USP35: variants seen among roughly 807,000 people sequenced by gnomAD.
USP35 encodes the protein ubiquitin specific peptidase 35, also known as ubiquitin carboxyl-terminal hydrolase 35.
USP35 carries 69 observed loss-of-function variants against 83.8 expected under a neutral mutation model. The ratio of observed to expected loss-of-function variants is 0.82; its 90% CI spans 0.68 to 1.01. The LOEUF (loss-of-function observed/expected upper bound fraction) is 1.01, where lower values mean the gene tolerates loss of function less well. USP35 is among the 50% of genes least tolerant of loss of function. The pLI, the probability that USP35 is intolerant of heterozygous loss-of-function variation, is 0.00. For synonymous variants in USP35, 714 were observed against 589.5 expected, an observed-to-expected ratio of 1.21 and a Z score of -3.06; for missense variants, 1,503 against 1,362.5, an observed-to-expected ratio of 1.10 and a Z score of -1.62.
rs144906421 is a variant in USP35, at chr11:78,192,700, G to C, written c.-10-3536G>C. Among the ~76,000 whole-genome samples the C allele has an allele frequency of 4.7e-3, 710 of 152,298 alleles. 18 individuals are homozygous for C. The highest frequency in any genetic ancestry group is 0.038 in the Admixed American group (584 of 15,304). ...CTCTATTTGAACTGTCAGCTGCCAG[G>C]CTTATGTGGTGTTAGGTAGAACAAC... On this transcript the variant is annotated intron_variant, in intron 1 of 10. Coordinates refer to ENST00000529308, the MANE Select transcript of USP35 (RefSeq NM_020798.4).
Position 78,196,755 on chromosome 11 carries a change from T to C in USP35, c.510T>C (p.Arg170=). The change falls in exon 2 of 11, where the codon CGT becomes CGC. Residue 170 remains arginine (R), a synonymous_variant. Transcript: ENST00000529308. This position sits in a 1 kb window ranked among gnomAD's most constrained non-coding sequence, Gnocchi z 4.8. ...HRLLFCQQLV[R]CLGRFRCPAE... The stretch of plus-strand genomic sequence containing the variant: ...TGCTCTTCTGCCAGCAGCTGGTGCG[T>C]TGCCTCGGCCGCTTCCGCTGCCCAG... 6.5e-7 allele frequency: 1 copy of C among 1,532,476 alleles called. No individual in the cohort carries two copies. Among genetic ancestry groups the C allele is most frequent in the Non-Finnish European group, 8.7e-7 (1 of 1,145,470 alleles). The allele number at this position is 1,532,476 out of a possible 1,614,324, so 94.9% of individuals were successfully genotyped here.
chr11:78,208,985 G>A (rs368501171), intron 9 of USP35, 22 bp downstream of exon 9: 15 of 1,611,208 alleles, frequency 9.3e-6, no homozygotes, highest in African/African-American at 5.3e-5. Context: ...AGGGCTACGC[G>A]AAGACTCCAG....
chr11:78,237,106 G>A, the USP35 span, among the ~76,000 whole-genome samples: 2 of 152,198 alleles, frequency 1.3e-5, no homozygotes, highest in African/African-American at 4.8e-5. Context: ...CTGAAAGACT[G>A]TGGGTAAGAT....
At chr11:78,213,593 T>A (rs1863897642) in intron 10 of USP35, 53 bp from the exon 11 acceptor site, 25 of 1,433,720 alleles carry the variant, frequency 1.7e-5, no homozygotes, top group Admixed American at 3.0e-5. Context: ...AGACTCACTC[T>A]GGCTTCAGGG....
At chr11:78,234,469 T>C in the USP35 span, among the ~76,000 whole-genome samples, 1 of 151,984 alleles carries the variant, frequency 6.6e-6, no homozygotes, top group African/African-American at 2.4e-5. Flanking sequence ...AGGGTTGCTG[T>C]TCTTTTTTTA....
chr11:78,192,080 C>A (rs147749976), intron 1 of USP35, among the ~76,000 whole-genome samples: 99 of 152,316 alleles, frequency 6.5e-4, no homozygotes, highest in African/African-American at 2.2e-3. Flanking sequence ...TATACCTTGT[C>A]TCAACCCTGT....
the USP35 span, chr11:78,226,891 A>G: frequency 6.2e-7 from 1 of 1,613,958 alleles, no homozygotes; most frequent in Admixed American, 1.7e-5. Context: ...CTGTCTCTGA[A>G]TTCTGTATTG....
intron 10 of USP35, among the ~76,000 whole-genome samples, chr11:78,213,107 A>ATCAAC (rs1245093618): frequency 2.6e-5 from 4 of 152,322 alleles, no homozygotes; most frequent in Admixed American, 6.5e-5. Context: ...TGTCACCAAC[A>ATCAAC]TCAACTCCTT....
rs767834036 is a variant in USP35 at position 78,210,203 on chromosome 11, A to C, written c.2348A>C (p.Glu783Ala). ...KLTAENRYYC[E>A]SCASLQDAEK... ...ACAGCAGAAAACCGCTACTACTGCG[A>C]GTCGTGTGCCTCCCTGCAGGATGCC... Residue 783 changes from glutamate to alanine, a missense_variant, in exon 10 of 11, where the codon GAG (glutamate) becomes GCG (alanine). By Grantham distance (107) the Glu-to-Ala change is moderately radical. Transcript: ENST00000529308. 4.3e-6 allele frequency: 7 copies of C among 1,613,928 alleles called. No individual in the cohort carries two copies. The South Asian group carries it at 6.6e-5, about 15-fold the overall frequency.
At chr11:78,230,075 T>C in the USP35 span, among the ~76,000 whole-genome samples, 1 of 152,244 alleles carries the variant, frequency 6.6e-6, no homozygotes, top group African/African-American at 2.4e-5. Context: ...TGTGTCTTAC[T>C]CATTTTTCTC....
Position 78,196,377 on chromosome 11 carries a change from G to A in USP35, c.132G>A (p.Leu44=). ...EREQCLALLA[L]GARLYVGGAE... is the part of the protein sequence containing the mutation. ...AGCAGTGCCTGGCGCTGCTGGCGCT[G>A]GGCGCGCGCCTCTACGTGGGCGGCG... Residue 44 remains leucine, a synonymous_variant, in exon 2 of 11, where the codon CTG becomes CTA. Coordinates refer to ENST00000529308, the MANE Select transcript of USP35 (RefSeq NM_020798.4). The surrounding 1 kb of genome is among the most constrained non-coding windows in gnomAD (Gnocchi z 4.8). 1 of 1,502,538 alleles carries A rather than the reference G, an allele frequency of 6.7e-7. No homozygotes were observed. The highest frequency in any genetic ancestry group is 8.8e-7 in the Non-Finnish European group (1 of 1,139,808). The allele number at this position is 1,502,538 out of a possible 1,614,324, so 93.1% of individuals were successfully genotyped here. A position where few individuals can be genotyped will look rare whatever the true frequency, so the allele number is the denominator to read the frequency against.
In USP35 at chr11:78,207,611, A is replaced by G; in HGVS notation, c.1473A>G (p.Leu491=). 2 of 1,614,028 alleles carry G rather than the reference A, an allele frequency of 1.2e-6. No individual in the cohort carries two copies. The highest frequency in any genetic ancestry group is 2.2e-5 in the East Asian group (1 of 44,880). The part of the protein sequence containing the change: ...MTKLQWLFGF[L]EHSQRPAISP... ...AGCTGCAGTGGCTCTTTGGCTTCCT[A>G]GAACACAGCCAGGTGAGTGTAGGGG... Residue 491 remains leucine (L), a synonymous_variant, in exon 8 of 11, where the codon CTA becomes CTG. Coordinates refer to ENST00000529308, the MANE Select transcript of USP35 (RefSeq NM_020798.4).
Position 78,209,577 on chromosome 11 carries a change from A to G in USP35, c.1722A>G (p.Ile574Met), listed in dbSNP as rs1230584968. 2 of 1,613,992 alleles carry G rather than the reference A, an allele frequency of 1.2e-6. No individual in the cohort carries two copies. Among genetic ancestry groups the G allele is most frequent in the East Asian group, 2.2e-5 (1 of 44,872 alleles). ...TGGAAAAAATGTTTGGAGGCAAGAT[A>G]GTGACTCGGATCTGCTGTCTCTGCT... ...TSVEKMFGGKIVTRICCLCCL... is the reference protein window; with the variant it reads ...TSVEKMFGGKMVTRICCLCCL... Residue 574 changes from isoleucine (I) to methionine (M), a missense_variant, in exon 10 of 11, where the codon ATA becomes ATG. By Grantham distance (10) the Ile-to-Met change is conservative (BLOSUM62 1). Coordinates refer to ENST00000529308, the MANE Select transcript of USP35 (RefSeq NM_020798.4).
In USP35 at chr11:78,200,145, C is replaced by T; in HGVS notation, c.949C>T (p.Leu317=). Residue 317 remains leucine (L), a synonymous_variant, in exon 5 of 11, where the codon CTG becomes TTG. Coordinates refer to ENST00000529308, the MANE Select transcript of USP35 (RefSeq NM_020798.4). The part of the protein sequence containing the change: ...LTKIEKVFSK[L]LYPIVRGAAL... ...GACTCTCTTGTAGGTTTTCTCTAAG[C>T]TGCTGTACCCCATCGTCCGGGGAGC... The T allele has an allele frequency of 1.2e-6, 2 of 1,614,214 alleles. No individual in the cohort carries two copies. Among genetic ancestry groups the T allele is most frequent in the Non-Finnish European group, 1.7e-6 (2 of 1,180,038 alleles).
chr11:78,222,636 G>A, the USP35 span, among the ~76,000 whole-genome samples: 1 of 151,716 alleles, frequency 6.6e-6, no homozygotes, highest in Non-Finnish European at 1.5e-5. Context: ...AGGCTGGAGT[G>A]CAGCGGCGCA....
the USP35 span, among the ~76,000 whole-genome samples, chr11:78,233,336 G>C: frequency 6.7e-3 from 1,026 of 152,248 alleles, 10 homozygotes; most frequent in African/African-American, 0.024. Context: ...CGTCTGGCCT[G>C]TTAGCCATTT....
intron 10 of USP35, among the ~76,000 whole-genome samples, 186 bp from the exon 11 acceptor site, chr11:78,213,460 G>A (rs766831417): frequency 6.7e-6 from 1 of 148,914 alleles, no homozygotes; most frequent in East Asian, 1.9e-4. Flanking sequence ...TTATTGAGAG[G>A]AGGGGGTCTT....
In USP35 at chr11:78,213,117, T is replaced by C. The variant is rs554869685; in HGVS notation, c.2890-529T>C. 5.9e-5 allele frequency among the ~76,000 whole-genome samples: 9 copies of C among 152,322 alleles called. No homozygotes were observed. In the East Asian group the frequency reaches 1.5e-3, roughly 26 times the overall value. The stretch of plus-strand genomic sequence containing the variant: ...CCGGGTGTCACCAACATCAACTCCT[T>C]CTTCCCCAAGGACACAGCCTATGTG... On this transcript the variant is annotated intron_variant, in intron 10 of 10. Coordinates refer to ENST00000529308, the MANE Select transcript of USP35 (RefSeq NM_020798.4).
chr11:78,222,723 T>C, the USP35 span, among the ~76,000 whole-genome samples: 1 of 151,940 alleles, frequency 6.6e-6, no homozygotes, highest in African/African-American at 2.4e-5. Context: ...GCTGGGACTA[T>C]AGGCGCCTGC....
Sources: gnomAD v4.1 joint callset for allele counts (sites outside exome capture counted in the v4.1 genomes callset) on GRCh38, gnomAD v4.1.1 for gene constraint, Gnocchi (gnomAD v3.1) non-coding constraint, MANE v1.5 for transcripts, NCBI Gene and HGNC (gene_info 2026-07-23, HGNC 2026-07-21) for gene names.